Variants in TLN2 observed in about 807,000 individuals in gnomAD.
The protein encoded by TLN2 is talin 2, also known as talin-2.
Under a neutral mutation model 294.7 loss-of-function variants are expected in TLN2, and 118 were observed. That is an observed-to-expected ratio of 0.40 (90% confidence interval 0.34 to 0.47). The LOEUF (loss-of-function observed/expected upper bound fraction) is 0.47, where lower values mean the gene tolerates loss of function less well. Among genes scored for constraint, TLN2 ranks in the 20% least tolerant of loss-of-function variants. The pLI is 0.84. For synonymous variants in TLN2, 1,431 were observed against 1,304.5 expected, an observed-to-expected ratio of 1.10 and a Z score of -2.09; for missense variants, 3,083 against 3,282.2, an observed-to-expected ratio of 0.94 and a Z score of 1.48.
chr15:62,509,143 C>G (rs117669154), intron 1 of TLN2, among the ~76,000 whole-genome samples: 10 of 152,344 alleles, frequency 6.6e-5, no homozygotes, highest in Admixed American at 4.6e-4. Context: ...GATCTGTGAT[C>G]TTAACCATTA....
intron 21 of TLN2, 69 bp from the exon 22 acceptor site, chr15:62,711,842 T>C: frequency 6.6e-7 from 1 of 1,515,962 alleles, no homozygotes; most frequent in Non-Finnish European, 8.9e-7. Context: ...AAGACTGTAG[T>C]GGCTCCTGAG....
At chr15:62,547,971 A>G (rs1331935341) in intron 1 of TLN2, among the ~76,000 whole-genome samples, 1 of 152,162 alleles carries the variant, frequency 6.6e-6, no homozygotes, top group Admixed American at 6.5e-5. Context: ...TACAGGAGTT[A>G]TTGGTTTTCC....
At chr15:62,827,875 G>A (rs1245651222) in intron 54 of TLN2, 16 of 152,164 alleles carry the variant, frequency 1.1e-4, no homozygotes, top group Admixed American at 1.0e-3. Flanking sequence ...GGTTAGGAGG[G>A]GAAGTAGGCT....
chr15:62,800,524 C>T, intron 49 of TLN2, 31 bp downstream of exon 49: 2 of 1,612,476 alleles, frequency 1.2e-6, no homozygotes, highest in Non-Finnish European at 1.7e-6. Context: ...GGGATGAGCA[C>T]CTGAGTTCTC....
At chr15:62,697,505 A>G (rs2058428923) in intron 14 of TLN2, among the ~76,000 whole-genome samples, 183 bp from the exon 15 acceptor site, 1 of 152,226 alleles carries the variant, frequency 6.6e-6, no homozygotes, top group South Asian at 2.1e-4. Context: ...AAAAGGATTC[A>G]TCTCAGAGCT....
At position 62,843,897 on chromosome 15, in the gene TLN2, C is replaced by G. The variant is rs1018238675; in HGVS notation, c.*3287C>G. 2.0e-5 allele frequency: 3 copies of G among 152,190 alleles called. No homozygotes were observed. Among genetic ancestry groups the G allele is most frequent in the Non-Finnish European group, 4.4e-5 (3 of 68,084 alleles). The allele number at this position is 152,190 out of a possible 1,614,324, so 9.4% of individuals were successfully genotyped here. On this transcript the variant is annotated 3_prime_UTR_variant, in exon 59 of 59. Transcript: ENST00000636159. ...CCTGGCAGATAGTCCCCAGAATCTT[C>G]TCTCCCAGCTTTGAGGTTCTGGGCT...
At chr15:62,621,703 G>T (rs916677527) in intron 3 of TLN2, among the ~76,000 whole-genome samples, 1 of 152,184 alleles carries the variant, frequency 6.6e-6, no homozygotes, top group Non-Finnish European at 1.5e-5. Flanking sequence ...AGATTTCTTG[G>T]AACAGGGTCC....
At chr15:62,730,772 G>A (rs938544926) in intron 28 of TLN2, among the ~76,000 whole-genome samples, 2 of 151,964 alleles carry the variant, frequency 1.3e-5, no homozygotes, top group Admixed American at 6.5e-5. Context: ...TTTAGTCTTC[G>A]ATTTTCCAGC....
chr15:62,797,185 C>A, intron 47 of TLN2, 34 bp from the exon 48 acceptor site: 1 of 1,612,572 alleles, frequency 6.2e-7, no homozygotes, highest in Non-Finnish European at 8.5e-7. Context: ...CCCTCTGTCT[C>A]TCCCCCTCTC....
intron 50 of TLN2, among the ~76,000 whole-genome samples, chr15:62,801,883 T>C (rs1357372421): frequency 6.6e-6 from 1 of 152,230 alleles, no homozygotes; most frequent in Non-Finnish European, 1.5e-5. Context: ...TATTTTGATA[T>C]AGGCATGCAA....
intron 1 of TLN2, among the ~76,000 whole-genome samples, chr15:62,496,838 A>G (rs1313544074): frequency 6.6e-6 from 1 of 152,184 alleles, no homozygotes; most frequent in East Asian, 1.9e-4. Flanking sequence ...ACACACATCA[A>G]TGGCATTCAT....
At chr15:62,485,130 T>A (rs993409847) in intron 1 of TLN2, among the ~76,000 whole-genome samples, 3 of 152,182 alleles carry the variant, frequency 2.0e-5, no homozygotes, top group Non-Finnish European at 4.4e-5. Flanking sequence ...GGACCACAAC[T>A]GGGAAAGGTT....
chr15:62,777,353 A>G (rs1009697466), intron 43 of TLN2, among the ~76,000 whole-genome samples: 1 of 152,076 alleles, frequency 6.6e-6, no homozygotes, highest in Non-Finnish European at 1.5e-5. Context: ...CCTGACCAAC[A>G]TGGTAAAACC....
chr15:62,795,373 G>A (rs1038221874), intron 46 of TLN2, among the ~76,000 whole-genome samples: 2 of 152,146 alleles, frequency 1.3e-5, no homozygotes, highest in Non-Finnish European at 2.9e-5. Flanking sequence ...AGATTTGTAA[G>A]CAGGGTGTTA....
chr15:62,820,747 C>A, intron 54 of TLN2, 137 bp downstream of exon 54: 1 of 1,181,158 alleles, frequency 8.5e-7, no homozygotes, highest in Non-Finnish European at 1.2e-6. Context: ...ACCGGATCTA[C>A]CTGCCCGGCA....
chr15:62,410,184 C>T (rs574089179), intron 1 of TLN2, among the ~76,000 whole-genome samples: 2 of 151,850 alleles, frequency 1.3e-5, no homozygotes, highest in Admixed American at 1.3e-4. Flanking sequence ...GGAGGTTGCA[C>T]TGAGCTGAGA....
At chr15:62,721,787 C>T (rs750250895) in intron 25 of TLN2, among the ~76,000 whole-genome samples, 44 of 152,082 alleles carry the variant, frequency 2.9e-4, no homozygotes, top group Non-Finnish European at 5.9e-4. Context: ...GCAATAGTTG[C>T]ATATACTGGA....
chr15:62,748,445 G>T lies in TLN2; in HGVS notation c.4119+1G>T, dbSNP rs1452535275. The stretch of plus-strand genomic sequence containing the variant: ...CGATAATGCCCTGCGGGAGCTCGAG[G>T]TAGGTCCCTGGGAAGGCTGCTGAGG... On this transcript the variant is annotated splice_donor_variant, in intron 33 of 58. Transcript: ENST00000636159. LOFTEE classifies it high-confidence loss of function. 1 of 1,612,530 alleles carries T rather than the reference G, an allele frequency of 6.2e-7. No individual in the cohort carries two copies. The highest frequency in any genetic ancestry group is 1.1e-5 in the South Asian group (1 of 91,016).
intron 4 of TLN2, among the ~76,000 whole-genome samples, chr15:62,649,608 C>T (rs1263343578): frequency 6.6e-6 from 1 of 152,088 alleles, no homozygotes; most frequent in Admixed American, 6.5e-5. Flanking sequence ...CTCTCTTTTA[C>T]ACCGCTCAGT....
Sources: allele counts gnomAD v4.1 joint callset (sites outside exome capture counted in the v4.1 genomes callset), GRCh38; gene constraint gnomAD v4.1.1; transcripts MANE v1.5; gene names NCBI Gene and HGNC (gene_info 2026-07-23, HGNC 2026-07-21).